DHX8: variants seen among roughly 807,000 people sequenced by gnomAD.
DHX8 encodes the protein ATP-dependent RNA helicase DHX8.
In DHX8, 67 loss-of-function variants were observed where a neutral mutation model predicts 140.7. The ratio of observed to expected loss-of-function variants is 0.48; its 90% confidence interval spans 0.39 to 0.58. The LOEUF (loss-of-function observed/expected upper bound fraction) is 0.58, where lower values mean the gene tolerates loss of function less well. Ranked by LOEUF, DHX8 falls within the 20% of genes least tolerant of loss-of-function variation. DHX8 has a pLI of 0.00. For missense variants in DHX8, 887 were observed against 1,550.7 expected, an observed-to-expected ratio of 0.57 and a Z score of 7.19; for synonymous variants, 533 against 553.2, an observed-to-expected ratio of 0.96 and a Z score of 0.51.
chr17:43,540,548 G>A (rs1023131766), intron 3 of DHX8, among the ~76,000 whole-genome samples: 8 of 152,180 alleles, frequency 5.3e-5, no homozygotes, highest in African/African-American at 1.9e-4. Context: ...CCAGGCATCT[G>A]CATTTTAAAA....
rs774584442 is a variant in DHX8, at chr17:43,507,822, G to A, written c.2123G>A (p.Arg708Gln). The A allele has an allele frequency of 3.7e-6, 6 of 1,613,998 alleles. No homozygotes were observed. In the Admixed American group the frequency reaches 5.0e-5, roughly 13 times the overall value. Reference sequence around the variant, plus strand: ...ATTTCTCTTCAGACAGTTCAGAAACGGCAGGACATGAAGCTGATTGTCACC... The same window carrying A: ...ATTTCTCTTCAGACAGTTCAGAAACAGCAGGACATGAAGCTGATTGTCACC... ...FGLLKKTVQK[R>Q]QDMKLIVTSA... Residue 708 changes from arginine to glutamine, a missense_variant, in exon 15 of 23, where the codon CGG becomes CAG. Transcript: ENST00000262415.
chr17:43,493,966 G>C, intron 8 of DHX8, 80 bp downstream of exon 8: 2 of 1,466,228 alleles, frequency 1.4e-6, no homozygotes, highest in South Asian at 2.4e-5. Context: ...GGAGCACGAT[G>C]GCCTGGGATA....
intron 16 of DHX8, among the ~76,000 whole-genome samples, chr17:43,512,453 G>T (rs1969896166): frequency 6.6e-6 from 1 of 151,972 alleles, no homozygotes; most frequent in Non-Finnish European, 1.5e-5. Context: ...AAGACTTGGT[G>T]GGTACTAGCA....
intron 1 of DHX8, among the ~76,000 whole-genome samples, chr17:43,488,723 A>T (rs992186080): frequency 5.9e-5 from 9 of 151,870 alleles, no homozygotes; most frequent in Admixed American, 1.3e-4. Context: ...TCATATACAG[A>T]TTGGGTCTGT....
At chr17:43,523,062 C>CAAAAAAAAAAAAAAAAA in intron 22 of DHX8, among the ~76,000 whole-genome samples, 1 of 102,716 alleles carries the variant, frequency 9.7e-6, no homozygotes, top group Non-Finnish European at 2.0e-5. Flanking sequence ...GACTCCGTCC[C>CAAAAAAAAAAAAAAAAA]AAAAAAAAAA....
At chr17:43,542,784 C>A (rs1388070969) in intron 3 of DHX8, among the ~76,000 whole-genome samples, 1 of 152,186 alleles carries the variant, frequency 6.6e-6, no homozygotes, top group African/African-American at 2.4e-5. Context: ...CACAGACCCA[C>A]CCACACTACC....
At chr17:43,505,006 G>A (rs527636554) in intron 12 of DHX8, among the ~76,000 whole-genome samples, 181 bp downstream of exon 12, 2 of 152,298 alleles carry the variant, frequency 1.3e-5, no homozygotes, top group African/African-American at 4.8e-5. Context: ...GCTGGGCGCG[G>A]TAGTGGATGC....
intron 2 of DHX8, chr17:43,533,080 C>A: frequency 6.6e-7 from 1 of 1,510,758 alleles, no homozygotes; most frequent in South Asian, 1.3e-5. Flanking sequence ...CTTTCTATTC[C>A]ACTGCCCCCT....
intron 11 of DHX8, among the ~76,000 whole-genome samples, chr17:43,502,422 G>T (rs1411812701): frequency 6.6e-6 from 1 of 151,998 alleles, no homozygotes; most frequent in Non-Finnish European, 1.5e-5. Flanking sequence ...TGTTATTTTA[G>T]TTTAGTTTAG....
chr17:43,503,453 C>T (rs564299231), intron 11 of DHX8, among the ~76,000 whole-genome samples: 11 of 151,616 alleles, frequency 7.3e-5, no homozygotes, highest in Non-Finnish European at 1.0e-4. Flanking sequence ...GCCGAGATCA[C>T]GCCATTGCAC....
At chr17:43,504,165 G>A (rs575243145) in intron 11 of DHX8, among the ~76,000 whole-genome samples, 17 of 152,236 alleles carry the variant, frequency 1.1e-4, no homozygotes, top group Non-Finnish European at 1.8e-4. Context: ...AGAGTGCTGC[G>A]CATGGTGGCC....
downstream of DHX8, chr17:43,526,267 A>G: frequency 7.5e-7 from 1 of 1,325,068 alleles, no homozygotes. Flanking sequence ...GGTCTCATGC[A>G]GAGAGCTGGG....
chr17:43,508,261 T>C, intron 15 of DHX8, 78 bp from the exon 16 acceptor site: 3 of 1,524,380 alleles, frequency 2.0e-6, no homozygotes, highest in Non-Finnish European at 2.6e-6. Flanking sequence ...TTTGAAGTTT[T>C]ATTAATATCA....
rs146528228 is a variant in DHX8 at position 43,493,451 on chromosome 17, G to A, written c.870G>A (p.Arg290=). 3.2e-4 allele frequency: 513 copies of A among 1,614,146 alleles called. 4 individuals are homozygous for A. In the African/African-American group the frequency reaches 6.2e-3, roughly 19 times the overall value. Residue 290 remains arginine, a synonymous_variant, in exon 7 of 23, where the codon CGG becomes CGA. Transcript: ENST00000262415. ...CFVQLEGLRK[R]WEGLVHISEL... ...GTGTCTGGCTCTCCCTCAGGAAGCG[G>A]TGGGAAGGCCTGGTGCACATCTCTG... is the stretch of plus-strand genomic sequence containing the variant.
Position 43,525,303 on chromosome 17 carries a change from A to G in DHX8, c.*1456A>G, listed in dbSNP as rs1315464804. 8 of 985,310 alleles carry G rather than the reference A, an allele frequency of 8.1e-6. No individual in the cohort carries two copies. Among genetic ancestry groups the G allele is most frequent in the Non-Finnish European group, 7.2e-6 (6 of 829,912 alleles). The allele number at this position is 985,310 out of a possible 1,614,324, so 61.0% of individuals were successfully genotyped here. ...TAGAACTACTGTAGAACTGTATGCC[A>G]GACACTAAGAGAGACTATGTAACAT... On this transcript the variant is annotated 3_prime_UTR_variant, in exon 23 of 23. Transcript: ENST00000262415.
intron 2 of DHX8, among the ~76,000 whole-genome samples, chr17:43,535,807 G>T (rs1971210676): frequency 6.6e-6 from 1 of 152,186 alleles, no homozygotes; most frequent in African/African-American, 2.4e-5. Context: ...GTTTATGGAA[G>T]TGACTTAGAA....
chr17:43,505,318 A>G (rs1193014076), intron 12 of DHX8, among the ~76,000 whole-genome samples: 1 of 152,112 alleles, frequency 6.6e-6, no homozygotes, highest in African/African-American at 2.4e-5. Context: ...CTGAGGCAGG[A>G]GAATCGCTTG....
chr17:43,485,393 T>G (rs1968078642), intron 1 of DHX8, among the ~76,000 whole-genome samples: 1 of 152,198 alleles, frequency 6.6e-6, no homozygotes, highest in South Asian at 2.1e-4. Flanking sequence ...GGACGATGTC[T>G]TCACAGGGTC....
At chr17:43,496,365 G>T in intron 9 of DHX8, 97 bp downstream of exon 9, 1 of 771,502 alleles carries the variant, frequency 1.3e-6, no homozygotes. Flanking sequence ...TTAATCATTT[G>T]TTCTTTGGAT....
Sources: allele counts gnomAD v4.1 joint callset (sites outside exome capture counted in the v4.1 genomes callset), GRCh38; gene constraint gnomAD v4.1.1; transcripts MANE v1.5; gene names NCBI Gene and HGNC (gene_info 2026-07-23, HGNC 2026-07-21).